The following C10orf90 variants were observed in gnomAD, a reference collection of about 807,000 sequenced individuals.
C10orf90 encodes (E2-independent) E3 ubiquitin-conjugating enzyme FATS.
Under a neutral mutation model 62.5 loss-of-function variants are expected in C10orf90, and 56 were observed. The observed-to-expected ratio is 0.90, with a 90% CI of 0.72 to 1.12. The LOEUF (loss-of-function observed/expected upper bound fraction) is 1.12. Among genes scored for constraint, C10orf90 ranks in the 50% most tolerant of loss-of-function variants. The probability of loss-of-function intolerance (pLI) is 0.00; values close to 1 mark genes in which losing one functional copy is unlikely to be tolerated. For synonymous variants in C10orf90, 386 were observed against 340.4 expected (o/e 1.13, Z -1.47); for missense variants, 970 against 880.4 (o/e 1.10, Z -1.29).
chr10:126,569,510 C>A (rs952108432), intron 2 of C10orf90, among the ~76,000 whole-genome samples: 8 of 152,150 alleles, frequency 5.3e-5, no homozygotes, highest in African/African-American at 1.9e-4. Context: ...CACAAATAAT[C>A]ATCACATACA....
intron 2 of C10orf90, among the ~76,000 whole-genome samples, chr10:126,537,683 A>T (rs1421255571): frequency 6.6e-6 from 1 of 152,210 alleles, no homozygotes; most frequent in Non-Finnish European, 1.5e-5. Flanking sequence ...GATCCCAAGA[A>T]ATTCTACAGC....
At chr10:126,482,929 G>A (rs1861237709) in intron 4 of C10orf90, among the ~76,000 whole-genome samples, 1 of 152,170 alleles carries the variant, frequency 6.6e-6, no homozygotes, top group Non-Finnish European at 1.5e-5. Flanking sequence ...AGGCTTGGGG[G>A]ACCCTTAATT....
intron 2 of C10orf90, among the ~76,000 whole-genome samples, chr10:126,574,303 GT>G: frequency 6.6e-6 from 1 of 152,024 alleles, no homozygotes. Context: ...TGTATAAAGA[GT>G]TTCTAAAATA....
At chr10:126,569,200 G>A (rs1844455696) in intron 2 of C10orf90, among the ~76,000 whole-genome samples, 1 of 152,160 alleles carries the variant, frequency 6.6e-6, no homozygotes, top group Admixed American at 6.5e-5. Context: ...GCCACAGGGT[G>A]GCCACTTTGA....
intron 2 of C10orf90, among the ~76,000 whole-genome samples, chr10:126,557,859 A>G (rs139434316): frequency 9.0e-4 from 137 of 151,692 alleles, no homozygotes; most frequent in African/African-American, 2.7e-3. Flanking sequence ...GACCATCGAG[A>G]TGAGTTGGGC....
chr10:126,664,084 T>C (rs935171375), intron 1 of C10orf90, among the ~76,000 whole-genome samples: 2 of 152,020 alleles, frequency 1.3e-5, no homozygotes, highest in Middle Eastern at 3.2e-3. Flanking sequence ...GCCCCAGGAG[T>C]AGGCGTGCTC....
At chr10:126,471,895 G>A (rs1394230155) in intron 4 of C10orf90, among the ~76,000 whole-genome samples, 4 of 151,018 alleles carry the variant, frequency 2.6e-5, no homozygotes, top group Non-Finnish European at 5.9e-5. Flanking sequence ...AGTCTTAAAA[G>A]GTAACAAAAC....
At chr10:126,542,543 A>G (rs1864401992) in intron 2 of C10orf90, among the ~76,000 whole-genome samples, 1 of 152,182 alleles carries the variant, frequency 6.6e-6, no homozygotes, top group African/African-American at 2.4e-5. Context: ...TTTTAAAAAA[A>G]GGTTTGGGAA....
In C10orf90 at chr10:126,425,879, T is replaced by C; in HGVS notation, c.2376A>G (p.Gln792=). 1 of 1,614,088 alleles carries C rather than the reference T, an allele frequency of 6.2e-7. No homozygotes were observed. Among genetic ancestry groups the C allele is most frequent in the African/African-American group, 1.3e-5 (1 of 75,050 alleles). The change falls in exon 10 of 10, where the codon CAA becomes CAG. Residue 792 remains glutamine, a synonymous_variant. Coordinates refer to ENST00000488181, the MANE Select transcript of C10orf90 (RefSeq NM_001350921.2). ...FKKQLLDQLL[Q]RNAV ...CAGCCTGTGGTTAGACCGCATTCCT[T>C]TGAAGGAGCTGGTCCAGTAATTGCT...
At chr10:126,659,360 T>C (rs2133869125) in intron 1 of C10orf90, among the ~76,000 whole-genome samples, 1 of 152,322 alleles carries the variant, frequency 6.6e-6, no homozygotes, top group Middle Eastern at 3.4e-3. Context: ...ATCAGAGGCA[T>C]CTGAGCCCTG....
intron 2 of C10orf90, among the ~76,000 whole-genome samples, chr10:126,639,811 T>C (rs1846024555): frequency 2.6e-5 from 4 of 152,232 alleles, no homozygotes. Flanking sequence ...TTAAATTAGA[T>C]TATGTTACCA....
At chr10:126,649,476 C>T (rs115602862) in intron 1 of C10orf90, among the ~76,000 whole-genome samples, 4 of 152,180 alleles carry the variant, frequency 2.6e-5, no homozygotes, top group South Asian at 2.1e-4. Context: ...ATTGGTCACA[C>T]GCTCACCCAC....
chr10:126,536,459 G>A (rs1362888222), intron 2 of C10orf90, among the ~76,000 whole-genome samples: 1 of 152,110 alleles, frequency 6.6e-6, no homozygotes, highest in African/African-American at 2.4e-5. Flanking sequence ...CAGGCCTCAC[G>A]ATTGCCTAGT....
chr10:126,627,759 C>T (rs1297212333), intron 2 of C10orf90, among the ~76,000 whole-genome samples: 2 of 152,150 alleles, frequency 1.3e-5, no homozygotes, highest in Admixed American at 1.3e-4. Context: ...GAATTCTCCT[C>T]CCTTGTATTT....
chr10:126,494,276 T>C (rs1861919862), intron 4 of C10orf90, among the ~76,000 whole-genome samples: 1 of 152,156 alleles, frequency 6.6e-6, no homozygotes, highest in South Asian at 2.1e-4. Flanking sequence ...TTCCCTTTAT[T>C]TCATCAAACT....
chr10:126,663,425 G>T (rs1846558641), intron 1 of C10orf90, among the ~76,000 whole-genome samples: 1 of 152,206 alleles, frequency 6.6e-6, no homozygotes, highest in Admixed American at 6.5e-5. Flanking sequence ...TCCTAACTGT[G>T]TCACTGTGCA....
At chr10:126,556,954 A>G (rs1175610994) in intron 2 of C10orf90, among the ~76,000 whole-genome samples, 2 of 151,450 alleles carry the variant, frequency 1.3e-5, no homozygotes, top group African/African-American at 4.9e-5. Flanking sequence ...GGGAGAAGAA[A>G]GTTGTTTCTA....
At chr10:126,569,370 G>C (rs1301352192) in intron 2 of C10orf90, among the ~76,000 whole-genome samples, 2 of 152,118 alleles carry the variant, frequency 1.3e-5, no homozygotes, top group Non-Finnish European at 2.9e-5. Context: ...TCTTTATGGG[G>C]AGGAGCATGA....
chr10:126,461,663 G>A (rs532730241), intron 5 of C10orf90, 78 bp from the exon 6 acceptor site: 83 of 1,365,108 alleles, frequency 6.1e-5, no homozygotes, highest in Non-Finnish European at 7.8e-5. Flanking sequence ...ATTAGACACA[G>A]AAGACAATTT....
Sources: gnomAD v4.1 joint callset for allele counts (sites outside exome capture counted in the v4.1 genomes callset) on GRCh38, gnomAD v4.1.1 for gene constraint, MANE v1.5 for transcripts, NCBI Gene and HGNC (gene_info 2026-07-23, HGNC 2026-07-21) for gene names.